Variants in USP24 observed in about 807,000 individuals in gnomAD.
The protein encoded by USP24 is ubiquitin specific peptidase 24.
Under a neutral mutation model 361.6 loss-of-function variants are expected in USP24, and 97 were observed. That is an observed-to-expected ratio of 0.27 (90% CI 0.23 to 0.32). The LOEUF (loss-of-function observed/expected upper bound fraction) is 0.32, where lower values mean the gene tolerates loss of function less well. Among genes scored for constraint, USP24 ranks in the 10% least tolerant of loss-of-function variants. The pLI, the probability that USP24 is intolerant of heterozygous loss-of-function variation, is 1.00. For missense variants in USP24, 2,353 were observed against 3,165.6 expected (o/e 0.74, Z 6.16); for synonymous variants, 1,098 against 1,124.6 (o/e 0.98, Z 0.47).
intron 46 of USP24, 33 bp downstream of exon 46, chr1:55,098,443 C>G (rs1379518077): frequency 6.4e-7 from 1 of 1,569,798 alleles, no homozygotes; most frequent in African/African-American, 1.4e-5. Context: ...AAAGGATGAT[C>G]ATTTTTCCTG....
intron 8 of USP24, among the ~76,000 whole-genome samples, chr1:55,161,244 T>C (rs1341106958): frequency 1.3e-5 from 2 of 151,800 alleles, no homozygotes; most frequent in East Asian, 3.9e-4. Context: ...TGGTGGCACG[T>C]GCATGTAGTC....
chr1:55,158,859 A>G lies in USP24; in HGVS notation c.1227+19T>C. On this transcript the variant is annotated intron_variant, in intron 10 of 67. Coordinates refer to ENST00000294383, the MANE Select transcript of USP24 (RefSeq NM_015306.3). ...AGTATCTGTGCATTAAGTCTTGTAG[A>G]AACAAATGAAAAACTTACTTCTTTG... is the stretch of plus-strand genomic sequence containing the variant. The G allele has an allele frequency of 1.4e-6, 2 of 1,477,774 alleles. No homozygotes were observed. The highest frequency in any genetic ancestry group is 9.1e-7 in the Non-Finnish European group (1 of 1,102,368). 91.5% of individuals were successfully genotyped at this position (1,477,774 alleles called of 1,614,324 possible). A position where few individuals can be genotyped will look rare whatever the true frequency, so the allele number is the denominator to read the frequency against.
In USP24 at chr1:55,073,839, A is replaced by G; in HGVS notation, c.7515T>C (p.Thr2505=). The G allele has an allele frequency of 6.4e-7, 1 of 1,574,540 alleles. No individual in the cohort carries two copies. Among genetic ancestry groups the G allele is most frequent in the Non-Finnish European group, 8.6e-7 (1 of 1,159,062 alleles). The change falls in exon 64 of 68, where the codon ACT becomes ACC. Residue 2505 remains threonine (T), a synonymous_variant. Transcript: ENST00000294383. The stretch of plus-strand genomic sequence containing the variant: ...AATTCAATACTTACTTTTGAGCAAG[A>G]GTGACAAGAAATTTGACACACTGGT... The part of the protein sequence containing the change: ...RCYQCVKFLV[T]LAQKCPAAKE...
chr1:55,132,707 T>G lies in USP24; in HGVS notation c.3382-7A>C. On this transcript the variant is annotated splice_region_variant and splice_polypyrimidine_tract_variant and intron_variant, in intron 30 of 67. Coordinates refer to ENST00000294383, the MANE Select transcript of USP24 (RefSeq NM_015306.3). ...ATTCAGACAGCAATGTTTTCTAAGT[T>G]TAAGAGAATGAGAAAGACATAAACT... is the stretch of plus-strand genomic sequence containing the variant. The G allele has an allele frequency of 6.2e-7, 1 of 1,609,422 alleles. No homozygotes were observed. Among genetic ancestry groups the G allele is most frequent in the East Asian group, 2.2e-5 (1 of 44,812 alleles).
At chr1:55,077,517 T>A (rs1479771379) in intron 61 of USP24, among the ~76,000 whole-genome samples, 1 of 152,104 alleles carries the variant, frequency 6.6e-6, no homozygotes, top group Non-Finnish European at 1.5e-5. Context: ...TACTTTACTA[T>A]GAAATTAGGA....
Position 55,215,230 on chromosome 1 carries a change from C to T in USP24, c.-117G>A, listed in dbSNP as rs1644960909. 1 of 867,708 alleles carries T rather than the reference C, an allele frequency of 1.2e-6. No homozygotes were observed. Among genetic ancestry groups the T allele is most frequent in the Non-Finnish European group, 1.5e-6 (1 of 670,324 alleles). The allele number at this position is 867,708 out of a possible 1,614,324, so 53.8% of individuals were successfully genotyped here. A position where few individuals can be genotyped will look rare whatever the true frequency, so the allele number is the denominator to read the frequency against. ...CCGCGCCCAGGTTGGCCCCTGCGTT[C>T]CTGCCCCGGGTGCTCCGCAGCAGCC... On this transcript the variant is annotated 5_prime_UTR_variant, in exon 1 of 68. Coordinates refer to ENST00000294383, the MANE Select transcript of USP24 (RefSeq NM_015306.3).
At chr1:55,200,147 G>A (rs1644532596) in intron 1 of USP24, among the ~76,000 whole-genome samples, 1 of 152,244 alleles carries the variant, frequency 6.6e-6, no homozygotes, top group African/African-American at 2.4e-5. Context: ...AGATGTGGGT[G>A]GGGACACAGA....
chr1:55,168,544 T>C (rs1649128163), intron 5 of USP24, among the ~76,000 whole-genome samples: 1 of 152,112 alleles, frequency 6.6e-6, no homozygotes. Flanking sequence ...TGACCGTAAG[T>C]GTCCATTTGC....
intron 11 of USP24, 26 bp downstream of exon 11, chr1:55,157,230 A>C (rs1045250537): frequency 2.7e-6 from 4 of 1,505,782 alleles, no homozygotes; most frequent in African/African-American, 2.8e-5. Context: ...TGTGTTAGGT[A>C]ATTTTTATTT....
At chr1:55,158,810 T>C (rs2100756814) in intron 10 of USP24, 68 bp downstream of exon 10, 1 of 1,231,794 alleles carries the variant, frequency 8.1e-7, no homozygotes, top group Non-Finnish European at 1.0e-6. Context: ...GTTATATTAA[T>C]AAGCATACAT....
In USP24 at chr1:55,154,182, T is replaced by C. The variant is rs1242719385; in HGVS notation, c.1749A>G (p.Ala583=). The change falls in exon 15 of 68, where the codon GCA becomes GCG. Residue 583 remains alanine (A), a synonymous_variant. Transcript: ENST00000294383. ...TCTTGATTGCTTCTTTCACTGCATA[T>C]GCATCACTAAGGATTGTCAGGTGCT... is the stretch of plus-strand genomic sequence containing the variant. ...LEEHLTILSD[A]YAVKEAIKRS... 2 of 1,613,546 alleles carry C rather than the reference T, an allele frequency of 1.2e-6. No individual in the cohort carries two copies. The highest frequency in any genetic ancestry group is 1.3e-5 in the African/African-American group (1 of 74,894).
rs61739739 is a variant in USP24 at position 55,083,318 on chromosome 1, C to T, written c.6929G>A (p.Arg2310Gln). The part of the protein sequence containing the change: ...GDLLLRHSAL[R>Q]HMISFLLGAS... ...CCCTAGGAGGAAGCTGATCATGTGC[C>T]GCAGAGCTGAATGCCTCAGAAGAAG... The change falls in exon 58 of 68, where the codon CGG becomes CAG. Residue 2310 changes from arginine (R) to glutamine (Q), a missense_variant. Coordinates refer to ENST00000294383, the MANE Select transcript of USP24 (RefSeq NM_015306.3). The T allele has an allele frequency of 0.011, 18,296 of 1,613,654 alleles. 387 individuals carry two copies. The highest frequency in any genetic ancestry group is 0.083 in the African/African-American group (6,200 of 74,960).
chr1:55,145,496 G>T (rs1450242905), intron 20 of USP24, among the ~76,000 whole-genome samples: 1 of 152,166 alleles, frequency 6.6e-6, no homozygotes. Flanking sequence ...TTAGAGGCTG[G>T]ATAAAATGAA....
chr1:55,085,366 C>T (rs1035347705), intron 56 of USP24, among the ~76,000 whole-genome samples: 1 of 152,230 alleles, frequency 6.6e-6, no homozygotes, highest in Non-Finnish European at 1.5e-5. Context: ...CATTGAGGCA[C>T]AATGCCTCCA....
At chr1:55,083,439 G>T in intron 57 of USP24, 75 bp from the exon 58 acceptor site, 1 of 1,411,890 alleles carries the variant, frequency 7.1e-7, no homozygotes, top group Admixed American at 1.9e-5. Context: ...ACAGCTAAAT[G>T]GAAAGTTTTA....
At chr1:55,159,531 G>A (rs1648046137) in intron 9 of USP24, 80 bp downstream of exon 9, 1 of 1,192,398 alleles carries the variant, frequency 8.4e-7, no homozygotes, top group African/African-American at 1.5e-5. Flanking sequence ...AGAGCATGGT[G>A]TGTGAACCCT....
chr1:55,096,563 A>T lies in USP24; in HGVS notation c.5996T>A (p.Leu1999Gln). ...FNDTVIEEFD[L>Q]NDETLEYECF... Reference sequence around the variant, plus strand: ...TTCATACTCCAGGGTCTCGTCATTTAGGTCAAATTCTTCTATAACTGTGTC... The same window carrying T: ...TTCATACTCCAGGGTCTCGTCATTTTGGTCAAATTCTTCTATAACTGTGTC... The change falls in exon 50 of 68, where the codon CTA (leucine) becomes CAA (glutamine). Residue 1999 changes from leucine to glutamine, a missense_variant. Leu to Gln is a moderately radical substitution (Grantham distance 113). Transcript: ENST00000294383. 6.2e-7 allele frequency: 1 copy of T among 1,613,264 alleles called. No homozygotes were observed. The highest frequency in any genetic ancestry group is 8.5e-7 in the Non-Finnish European group (1 of 1,179,622).
intron 6 of USP24, among the ~76,000 whole-genome samples, chr1:55,166,229 TATTA>T (rs1648841502): frequency 6.6e-6 from 1 of 151,634 alleles, no homozygotes; most frequent in Admixed American, 6.6e-5. Flanking sequence ...GTACTACACA[TATTA>T]ATTTTAAAAT....
chr1:55,075,052 G>A (rs1414364194), intron 63 of USP24, among the ~76,000 whole-genome samples: 1 of 152,122 alleles, frequency 6.6e-6, no homozygotes, highest in Non-Finnish European at 1.5e-5. Context: ...GCTTACTATA[G>A]GTAAAAAGAC....
Sources: gnomAD v4.1 joint callset for allele counts (sites outside exome capture counted in the v4.1 genomes callset) on GRCh38, gnomAD v4.1.1 for gene constraint, MANE v1.5 for transcripts, NCBI Gene and HGNC (gene_info 2026-07-23, HGNC 2026-07-21) for gene names.